The following B3GLCT variants were observed in gnomAD, a reference collection of about 807,000 sequenced individuals.
The protein encoded by B3GLCT is beta-1,3-glucosyltransferase.
Under a neutral mutation model 63.4 loss-of-function variants are expected in B3GLCT, and 65 were observed. The observed-to-expected ratio is 1.03, with a 90% CI of 0.84 to 1.26. The LOEUF is 1.26. Ranked by LOEUF, B3GLCT falls within the 50% of genes most tolerant of loss-of-function variation. B3GLCT has a pLI of 0.00. For missense variants in B3GLCT, 577 were observed against 604.8 expected, an observed-to-expected ratio of 0.95 and a Z score of 0.48; for synonymous variants, 233 against 219.2, an observed-to-expected ratio of 1.06 and a Z score of -0.55.
chr13:31,202,905 A>G (rs954676303), intron 1 of B3GLCT, among the ~76,000 whole-genome samples: 3 of 152,254 alleles, frequency 2.0e-5, no homozygotes, highest in Non-Finnish European at 4.4e-5. Context: ...GTGGAGCATC[A>G]TGTCAGCTCT....
chr13:31,250,534 G>A (rs1451749767), intron 6 of B3GLCT, among the ~76,000 whole-genome samples: 8 of 152,208 alleles, frequency 5.3e-5, no homozygotes, highest in Admixed American at 3.3e-4. Flanking sequence ...TCTGAGGGGC[G>A]TCCGCCATTG....
At chr13:31,269,161 C>T (rs1246470787) in intron 7 of B3GLCT, 53 bp from the exon 8 acceptor site, 1 of 1,230,536 alleles carries the variant, frequency 8.1e-7, no homozygotes, top group Non-Finnish European at 1.2e-6. Context: ...ATGTGTTAGT[C>T]TTGCTTGACA....
At chr13:31,266,241 G>A (rs1044734803) in intron 7 of B3GLCT, among the ~76,000 whole-genome samples, 3 of 151,950 alleles carry the variant, frequency 2.0e-5, no homozygotes, top group Non-Finnish European at 2.9e-5. Context: ...CTCATGTTTT[G>A]CCCGCCTTGG....
In B3GLCT at chr13:31,242,429, T is replaced by G. The variant is rs115920231; in HGVS notation, c.271-4594T>G. Among the ~76,000 whole-genome samples the G allele has an allele frequency of 8.0e-3, 1,216 of 152,322 alleles. 19 individuals carry two copies. The highest frequency in any genetic ancestry group is 0.028 in the African/African-American group (1,175 of 41,568). On this transcript the variant is annotated intron_variant, in intron 4 of 14. Coordinates refer to ENST00000343307, the MANE Select transcript of B3GLCT (RefSeq NM_194318.4). ...TATTCCTAGAACAGTACCTGGTACA[T>G]AGTAGTTGCTAAAAATTATTGCAAA...
chr13:31,264,507 A>T (rs1872197606), intron 7 of B3GLCT, among the ~76,000 whole-genome samples: 1 of 152,086 alleles, frequency 6.6e-6, no homozygotes, highest in African/African-American at 2.4e-5. Flanking sequence ...AAATATGCAG[A>T]CTCTACCATA....
chr13:31,264,599 C>T (rs1282708210), intron 7 of B3GLCT, among the ~76,000 whole-genome samples: 1 of 152,158 alleles, frequency 6.6e-6, no homozygotes, highest in Admixed American at 6.5e-5. Context: ...AATGATATAA[C>T]CCATCTAGCA....
chr13:31,324,199 A>G (rs1875489998), intron 14 of B3GLCT, among the ~76,000 whole-genome samples: 1 of 152,228 alleles, frequency 6.6e-6, no homozygotes, highest in Non-Finnish European at 1.5e-5. Flanking sequence ...AAGGATTGGT[A>G]GCATTTAAAA....
intron 6 of B3GLCT, among the ~76,000 whole-genome samples, 191 bp downstream of exon 6, chr13:31,248,157 G>A (rs536712261): frequency 5.9e-5 from 9 of 152,296 alleles, no homozygotes; most frequent in African/African-American, 2.2e-4. Context: ...GAGGGACAGA[G>A]CTTATAATGA....
At chr13:31,220,901 C>A (rs936382274) in intron 2 of B3GLCT, among the ~76,000 whole-genome samples, 10 of 152,180 alleles carry the variant, frequency 6.6e-5, no homozygotes. Flanking sequence ...TATTTTTCAT[C>A]TTTTAACTTG....
chr13:31,290,980 C>G (rs1044415758), intron 12 of B3GLCT, among the ~76,000 whole-genome samples: 1 of 152,126 alleles, frequency 6.6e-6, no homozygotes, highest in Non-Finnish European at 1.5e-5. Flanking sequence ...CTTCTAGACT[C>G]TTTATGGTTT....
intron 12 of B3GLCT, among the ~76,000 whole-genome samples, chr13:31,308,291 C>G (rs372244680): frequency 2.1e-5 from 1 of 47,258 alleles, no homozygotes. Flanking sequence ...ATGTAACTAA[C>G]CTGCACAATG....
Position 31,331,239 on chromosome 13 carries a change from T to C in B3GLCT, c.*1571T>C, listed in dbSNP as rs1373264398. 6.6e-6 allele frequency: 1 copy of C among 152,304 alleles called. No individual in the cohort carries two copies. Among genetic ancestry groups the C allele is most frequent in the Non-Finnish European group, 1.5e-5 (1 of 68,122 alleles). 9.4% of individuals were successfully genotyped at this position (152,304 alleles called of 1,614,324 possible). ...GTGGTAGTCACCTTCATGTCATCTA[T>C]AATAGTACTCCTGGAGAGCCCTGGC... is the stretch of plus-strand genomic sequence containing the variant. On this transcript the variant is annotated 3_prime_UTR_variant, in exon 15 of 15. Transcript: ENST00000343307.
At chr13:31,272,005 C>A (rs931715324) in intron 8 of B3GLCT, among the ~76,000 whole-genome samples, 1 of 152,002 alleles carries the variant, frequency 6.6e-6, no homozygotes, top group Non-Finnish European at 1.5e-5. Context: ...GCCTCATAAT[C>A]GTTTTTTGTC....
intron 6 of B3GLCT, among the ~76,000 whole-genome samples, chr13:31,256,106 G>A (rs1054308172): frequency 2.0e-5 from 3 of 151,034 alleles, no homozygotes; most frequent in Non-Finnish European, 3.0e-5. Flanking sequence ...GAGAAAGAAC[G>A]CCATCAAAAA....
intron 14 of B3GLCT, among the ~76,000 whole-genome samples, chr13:31,329,248 C>T (rs957106100): frequency 6.6e-6 from 1 of 152,122 alleles, no homozygotes; most frequent in Non-Finnish European, 1.5e-5. Context: ...TTAGGAATCT[C>T]CCAGAGGCAA....
chr13:31,245,631 C>T (rs535236115), intron 4 of B3GLCT, among the ~76,000 whole-genome samples: 1 of 152,128 alleles, frequency 6.6e-6, no homozygotes, highest in Non-Finnish European at 1.5e-5. Context: ...TTATGTAAAA[C>T]TTTAAAAAGT....
At chr13:31,237,057 C>T (rs535533612) in intron 4 of B3GLCT, among the ~76,000 whole-genome samples, 6 of 150,762 alleles carry the variant, frequency 4.0e-5, no homozygotes, top group African/African-American at 7.3e-5. Context: ...ACCTAGTAGG[C>T]GGAGGTCGCA....
At chr13:31,281,542 C>T (rs529005304) in intron 10 of B3GLCT, among the ~76,000 whole-genome samples, 244 of 152,276 alleles carry the variant, frequency 1.6e-3, no homozygotes, top group Non-Finnish European at 3.1e-3. Context: ...TGTTGCCTTT[C>T]CCTGGCTGTT....
At chr13:31,255,611 A>T (rs1369918459) in intron 6 of B3GLCT, among the ~76,000 whole-genome samples, 1 of 152,230 alleles carries the variant, frequency 6.6e-6, no homozygotes, top group Non-Finnish European at 1.5e-5. Flanking sequence ...AGATATATAG[A>T]CCAATGGAAC....
Sources: allele counts gnomAD v4.1 joint callset (sites outside exome capture counted in the v4.1 genomes callset), GRCh38; gene constraint gnomAD v4.1.1; transcripts MANE v1.5; gene names NCBI Gene and HGNC (gene_info 2026-07-23, HGNC 2026-07-21).